OPA3: variants seen among roughly 807,000 people sequenced by gnomAD.
The protein encoded by OPA3 is outer mitochondrial membrane lipid metabolism regulator OPA3.
OPA3 carries 6 observed loss-of-function variants against 4.0 expected under a neutral mutation model. The observed-to-expected ratio is 1.51, with a 90% CI of 0.83 to 2.99. OPA3 has a LOEUF of 2.99. Ranked by LOEUF, OPA3 falls within the 30% of genes most tolerant of loss-of-function variation. The pLI is 0.00. For missense variants in OPA3, 235 were observed against 256.2 expected (o/e 0.92, Z 0.56); for synonymous variants, 105 against 117.1 (o/e 0.90, Z 0.67).
intron 1 of OPA3, among the ~76,000 whole-genome samples, chr19:45,535,088 G>T (rs1291253134): frequency 6.6e-6 from 1 of 152,106 alleles, no homozygotes; most frequent in Non-Finnish European, 1.5e-5. Context: ...CCAACAACAG[G>T]GATCTAGATT....
chr19:45,535,314 G>T (rs1969103307), intron 1 of OPA3, among the ~76,000 whole-genome samples: 1 of 150,652 alleles, frequency 6.6e-6, no homozygotes, highest in Non-Finnish European at 1.5e-5. Flanking sequence ...TGGTACTGAT[G>T]ATAGGAATAA....
At chr19:45,578,614 C>T (rs907323857) in intron 1 of OPA3, among the ~76,000 whole-genome samples, 2 of 151,792 alleles carry the variant, frequency 1.3e-5, no homozygotes, top group South Asian at 2.1e-4. Flanking sequence ...GATCTCCTGA[C>T]GTTGGGAGTT....
chr19:45,540,465 G>A (rs1362795788), intron 1 of OPA3, among the ~76,000 whole-genome samples: 3 of 151,884 alleles, frequency 2.0e-5, no homozygotes, highest in African/African-American at 7.3e-5. Flanking sequence ...GGGGGTTGAA[G>A]TGGGAAGATC....
At chr19:45,564,429 G>A (rs939906287) in intron 1 of OPA3, among the ~76,000 whole-genome samples, 1 of 152,192 alleles carries the variant, frequency 6.6e-6, no homozygotes, top group Non-Finnish European at 1.5e-5. Flanking sequence ...CCTTGACTGG[G>A]GGTAAACCAG....
In OPA3 at chr19:45,561,037, T is replaced by C. The variant is rs547170640; in HGVS notation, c.143-7126A>G. Among the ~76,000 whole-genome samples the C allele has an allele frequency of 2.0e-5, 3 of 152,096 alleles. No individual in the cohort carries two copies. In the South Asian group the frequency reaches 6.2e-4, roughly 32 times the overall value. Reference sequence around the variant, plus strand: ...TGGGGGACCGGGGCTCGGGAGCTTATGCACAAATAGGACAGGCCGGGCGCG... The same window carrying C: ...TGGGGGACCGGGGCTCGGGAGCTTACGCACAAATAGGACAGGCCGGGCGCG... On this transcript the variant is annotated intron_variant, in intron 1 of 1. Transcript: ENST00000263275.
At chr19:45,539,761 A>G (rs1461280780) in intron 1 of OPA3, among the ~76,000 whole-genome samples, 2 of 152,126 alleles carry the variant, frequency 1.3e-5, no homozygotes, top group African/African-American at 4.8e-5. Context: ...CTCAAAAAAA[A>G]AAAAAAGGAA....
At chr19:45,567,124 G>A (rs1471974410) in intron 1 of OPA3, among the ~76,000 whole-genome samples, 1 of 152,002 alleles carries the variant, frequency 6.6e-6, no homozygotes, top group Non-Finnish European at 1.5e-5. Context: ...AGGATCACCT[G>A]GGCCCATGAG....
chr19:45,537,407 A>AAAAAAAAAAAAC (rs1555730899), intron 1 of OPA3, among the ~76,000 whole-genome samples: 10 of 125,484 alleles, frequency 8.0e-5, no homozygotes, highest in South Asian at 2.9e-4. Context: ...AAAAAAAAAA[A>AAAAAAAAAAAAC]AAAAAAAAAA....
intron 1 of OPA3, among the ~76,000 whole-genome samples, chr19:45,572,769 ATATATATCATAC>A (rs1969703864): frequency 3.3e-5 from 2 of 60,464 alleles, no homozygotes; most frequent in African/African-American, 6.0e-5. Context: ...ATATATATCT[ATATATATCATAC>A]TATATATAGA....
intron 1 of OPA3, among the ~76,000 whole-genome samples, chr19:45,578,126 A>G (rs1321371521): frequency 1.3e-5 from 2 of 152,174 alleles, no homozygotes; most frequent in Non-Finnish European, 2.9e-5. Flanking sequence ...TAACTTTGGG[A>G]GAAACTTAGT....
chr19:45,554,718 A>G (rs1969395068), intron 1 of OPA3, among the ~76,000 whole-genome samples: 1 of 152,250 alleles, frequency 6.6e-6, no homozygotes, highest in Non-Finnish European at 1.5e-5. Flanking sequence ...GTGCCTTTGC[A>G]GACTCATTTG....
At chr19:45,574,396 CAAAA>C (rs779877314) in intron 1 of OPA3, among the ~76,000 whole-genome samples, 2 of 72,552 alleles carry the variant, frequency 2.8e-5, no homozygotes, top group Non-Finnish European at 2.6e-5. Flanking sequence ...GACTCTGTCT[CAAAA>C]AAAAAAAAAA....
At chr19:45,528,690 T>C (rs1969021457) in exon 2 of OPA3, 3 of 243,748 alleles carry the variant, frequency 1.2e-5, no homozygotes, top group Non-Finnish European at 2.4e-5. Flanking sequence ...GGGTGCAGAA[T>C]TTTGTTTTGC....
Position 45,553,316 on chromosome 19 carries a change from G to A in OPA3, c.*198C>T, listed in dbSNP as rs1969364518. The A allele has an allele frequency of 6.9e-7, 1 of 1,453,516 alleles. No homozygotes were observed. The highest frequency in any genetic ancestry group is 9.0e-7 in the Non-Finnish European group (1 of 1,105,138). The allele number at this position is 1,453,516 out of a possible 1,614,324, so 90.0% of individuals were successfully genotyped here. On this transcript the variant is annotated 3_prime_UTR_variant, in exon 2 of 2. Transcript: ENST00000263275. Reference sequence around the variant, plus strand: ...GGATAGGAGGTGAAGGATGATGGAGGGGGCTATGTTGCAACGCTTCACCTG... The same window carrying A: ...GGATAGGAGGTGAAGGATGATGGAGAGGGCTATGTTGCAACGCTTCACCTG...
At chr19:45,532,845 C>T (rs935223295) in intron 1 of OPA3, among the ~76,000 whole-genome samples, 1 of 152,090 alleles carries the variant, frequency 6.6e-6, no homozygotes, top group Non-Finnish European at 1.5e-5. Context: ...TCGTAAAGTG[C>T]TGATTGCAGG....
downstream of OPA3, among the ~76,000 whole-genome samples, chr19:45,541,899 C>A (rs1035037287): frequency 4.6e-5 from 7 of 152,106 alleles, no homozygotes; most frequent in African/African-American, 1.7e-4. Flanking sequence ...TTCAAGGATA[C>A]GAAGAGACCC....
downstream of OPA3, among the ~76,000 whole-genome samples, chr19:45,545,705 C>A (rs1969240961): frequency 6.8e-6 from 1 of 147,402 alleles, no homozygotes; most frequent in Non-Finnish European, 1.5e-5. Flanking sequence ...TATGTACATG[C>A]TTTTCTTTTT....
In OPA3 at chr19:45,569,788, G is replaced by A. The variant is rs1315909209; in HGVS notation, c.142+14835C>T. Among the ~76,000 whole-genome samples the A allele has an allele frequency of 3.9e-5, 6 of 151,980 alleles. No homozygotes were observed. The East Asian group carries it at 7.7e-4, about 20-fold the overall frequency. ...ACATAAAGGCACAATGCCTGGAGCC[G>A]CAGCAGCCCTACTGAGGCCATGAGG... is the stretch of plus-strand genomic sequence containing the variant. On this transcript the variant is annotated intron_variant, in intron 1 of 1. Transcript: ENST00000263275.
intron 1 of OPA3, among the ~76,000 whole-genome samples, chr19:45,564,747 A>C (rs1181166572): frequency 1.3e-5 from 2 of 152,096 alleles, no homozygotes; most frequent in Admixed American, 1.3e-4. Context: ...AAATACACCA[A>C]CTATCTCTTT....
Sources: gnomAD v4.1 joint callset for allele counts (sites outside exome capture counted in the v4.1 genomes callset) on GRCh38, gnomAD v4.1.1 for gene constraint, MANE v1.5 for transcripts, NCBI Gene and HGNC (gene_info 2026-07-23, HGNC 2026-07-21) for gene names.